GLYR1: variants seen among roughly 807,000 people sequenced by gnomAD.
The protein encoded by GLYR1 is glyoxylate reductase 1 homolog, also known as cytokine-like nuclear factor N-PAC.
In GLYR1, 21 loss-of-function variants were observed where a neutral mutation model predicts 72.7. The ratio of observed to expected loss-of-function variants is 0.29; its 90% CI spans 0.20 to 0.42. The LOEUF is 0.42. Ranked by LOEUF, GLYR1 falls within the 10% of genes least tolerant of loss-of-function variation. GLYR1 has a pLI of 1.00. For synonymous variants in GLYR1, 392 were observed against 270.2 expected, an observed-to-expected ratio of 1.45 and a Z score of -4.42; for missense variants, 594 against 712.1, an observed-to-expected ratio of 0.83 and a Z score of 1.89.
chr16:4,814,771 C>G (rs2083530522), intron 10 of GLYR1, 124 bp from the exon 11 acceptor site: 2 of 750,146 alleles, frequency 2.7e-6, no homozygotes, highest in Admixed American at 4.6e-5. Flanking sequence ...AGGCCGGGAG[C>G]CTGGGTCATG....
chr16:4,838,655 C>T (rs1186174139), intron 3 of GLYR1, among the ~76,000 whole-genome samples: 2 of 151,720 alleles, frequency 1.3e-5, no homozygotes, highest in African/African-American at 2.4e-5. Flanking sequence ...GGCGCGATCT[C>T]GACTTACGGC....
intron 1 of GLYR1, 95 bp downstream of exon 1, chr16:4,847,133 C>T: frequency 8.7e-7 from 1 of 1,155,032 alleles, no homozygotes; most frequent in Non-Finnish European, 1.3e-6. Flanking sequence ...CGACCTGGAG[C>T]GCATAAAAAG....
intron 12 of GLYR1, 65 bp from the exon 13 acceptor site, chr16:4,812,313 A>C: frequency 6.5e-7 from 1 of 1,541,518 alleles, no homozygotes; most frequent in Non-Finnish European, 8.7e-7. Context: ...GCAGGACTCA[A>C]GGAGTGTTGC....
intron 10 of GLYR1, 142 bp downstream of exon 10, chr16:4,817,456 A>G: frequency 1.1e-5 from 7 of 611,864 alleles, no homozygotes; most frequent in Non-Finnish European, 2.1e-5. Context: ...AAGTTTAGGC[A>G]TCTACATCTC....
intron 7 of GLYR1, 54 bp downstream of exon 7, chr16:4,822,821 A>G: frequency 4.2e-6 from 6 of 1,438,414 alleles, no homozygotes; most frequent in East Asian, 2.3e-5. Flanking sequence ...CCAGTGGAGG[A>G]GCACTCCTTG....
In GLYR1 at chr16:4,823,912, AGAGG is replaced by A; in HGVS notation, c.538-9_538-6del. The A allele has an allele frequency of 6.2e-7, 1 of 1,611,770 alleles. No individual in the cohort carries two copies. On this transcript the variant is annotated splice_polypyrimidine_tract_variant and splice_region_variant and intron_variant, in intron 5 of 15. Coordinates refer to ENST00000321919, the MANE Select transcript of GLYR1 (RefSeq NM_032569.4). Reference sequence around the variant, plus strand: ...AGACTCCGGGATGGTGAGATCCTATAGAGGGAGGGGCAGGGCATTTTAAAATCAC... The same window carrying A: ...AGACTCCGGGATGGTGAGATCCTATAGAGGGGCAGGGCATTTTAAAATCAC...
intron 5 of GLYR1, among the ~76,000 whole-genome samples, chr16:4,830,297 T>G (rs1255724528): frequency 1.3e-5 from 2 of 151,238 alleles, no homozygotes; most frequent in East Asian, 3.9e-4. Context: ...TGGGCTCATG[T>G]GATCTTCCTG....
chr16:4,835,883 C>T (rs1241025130), intron 3 of GLYR1, among the ~76,000 whole-genome samples: 3 of 152,170 alleles, frequency 2.0e-5, no homozygotes, highest in African/African-American at 7.2e-5. Context: ...TGGGGATTAC[C>T]TCTTGAAAGC....
intron 3 of GLYR1, 50 bp from the exon 4 acceptor site, chr16:4,832,962 T>A: frequency 6.6e-7 from 1 of 1,519,000 alleles, no homozygotes; most frequent in Non-Finnish European, 8.9e-7. Flanking sequence ...GCATATGCCC[T>A]AAAGTATCAA....
chr16:4,845,789 G>A (rs571169379), intron 2 of GLYR1, among the ~76,000 whole-genome samples: 13 of 152,184 alleles, frequency 8.5e-5, no homozygotes, highest in Non-Finnish European at 1.9e-4. Flanking sequence ...ATGGAAAGAA[G>A]ATTTAAACTT....
chr16:4,838,068 T>C (rs939974645), intron 3 of GLYR1, among the ~76,000 whole-genome samples: 1 of 151,976 alleles, frequency 6.6e-6, no homozygotes, highest in Non-Finnish European at 1.5e-5. Flanking sequence ...TAGTAAACAA[T>C]TTCTATGGGT....
chr16:4,807,231 C>G (rs1162333504), intron 15 of GLYR1, among the ~76,000 whole-genome samples: 1 of 151,716 alleles, frequency 6.6e-6, no homozygotes, highest in South Asian at 2.1e-4. Context: ...CCTGTCCCAG[C>G]CTCCGGAGTA....
In GLYR1 at chr16:4,847,090, C is replaced by G. The variant is rs575454400; in HGVS notation, c.38+138G>C. 531 of 809,210 alleles carry G rather than the reference C, an allele frequency of 6.6e-4. 2 individuals carry two copies. The African/African-American group carries it at 8.2e-3, about 12-fold the overall frequency. The allele number at this position is 809,210 out of a possible 1,614,324, so 50.1% of individuals were successfully genotyped here. A position where few individuals can be genotyped will look rare whatever the true frequency, so the allele number is the denominator to read the frequency against. On this transcript the variant is annotated intron_variant, in intron 1 of 15. Coordinates refer to ENST00000321919, the MANE Select transcript of GLYR1 (RefSeq NM_032569.4). ...TGCCCCTTCCGCCTGGCGCCGCTCG[C>G]AAGCGCCGGCACCTTCTCTTCCCCT...
At chr16:4,813,981 A>C (rs954414799) in intron 11 of GLYR1, 143 bp from the exon 12 acceptor site, 1 of 593,014 alleles carries the variant, frequency 1.7e-6, no homozygotes, top group Admixed American at 3.4e-5. Context: ...CAATGAAATA[A>C]GCAAGGGATA....
At chr16:4,846,942 C>A (rs546384879) in intron 1 of GLYR1, 2 of 478,660 alleles carry the variant, frequency 4.2e-6, no homozygotes, top group African/African-American at 4.2e-5. Context: ...GCGGCACCGG[C>A]GGCTCCCTTC....
intron 5 of GLYR1, among the ~76,000 whole-genome samples, chr16:4,830,869 G>C (rs2084753705): frequency 6.6e-6 from 1 of 152,024 alleles, no homozygotes; most frequent in East Asian, 1.9e-4. Flanking sequence ...AGGCCTCCGC[G>C]CTTCCCTCTT....
chr16:4,829,966 CCCAG>C (rs1381013350), intron 5 of GLYR1, among the ~76,000 whole-genome samples: 1 of 151,526 alleles, frequency 6.6e-6, no homozygotes, highest in Non-Finnish European at 1.5e-5. Context: ...AGCCACTGCA[CCCAG>C]CAAAAAAAAT....
rs1376562559 is a variant in GLYR1 at position 4,813,935 on chromosome 16, T to C, written c.1018-97A>G. On this transcript the variant is annotated intron_variant, in intron 11 of 15. Coordinates refer to ENST00000321919, the MANE Select transcript of GLYR1 (RefSeq NM_032569.4). ...ATCAGAATCCTGCTGCTGTTTTGGC[T>C]CATTTCCTGATTTCTATCAGCTGAA... The C allele has an allele frequency of 1.3e-5, 12 of 897,978 alleles. No individual in the cohort carries two copies. The Middle Eastern group carries it at 7.4e-4, about 55-fold the overall frequency. 55.6% of individuals were successfully genotyped at this position (897,978 alleles called of 1,614,324 possible).
At chr16:4,830,687 C>G (rs765472772) in intron 5 of GLYR1, among the ~76,000 whole-genome samples, 4 of 152,216 alleles carry the variant, frequency 2.6e-5, no homozygotes, top group African/African-American at 9.6e-5. Context: ...GACAATCCTA[C>G]CGCGTTCCTG....
Sources: gnomAD v4.1 joint callset for allele counts (sites outside exome capture counted in the v4.1 genomes callset) on GRCh38, gnomAD v4.1.1 for gene constraint, MANE v1.5 for transcripts, NCBI Gene and HGNC (gene_info 2026-07-23, HGNC 2026-07-21) for gene names.